Variants in LARGE1 observed in about 807,000 individuals in gnomAD.
LARGE1 encodes LARGE xylosyl- and glucuronyltransferase 1.
LARGE1 carries 43 observed loss-of-function variants against 87.6 expected under a neutral mutation model. The ratio of observed to expected loss-of-function variants is 0.49; its 90% CI spans 0.38 to 0.63. LARGE1 has a LOEUF of 0.63. LARGE1 is among the 30% of genes least tolerant of loss of function. LARGE1 has a pLI of 0.00. For synonymous variants in LARGE1, 434 were observed against 394.6 expected (o/e 1.10, Z -1.18); for missense variants, 802 against 1,000.2 (o/e 0.80, Z 2.67).
chr22:33,264,278 A>G (rs1324090296), intron 11 of LARGE1, among the ~76,000 whole-genome samples: 2 of 152,228 alleles, frequency 1.3e-5, no homozygotes, highest in South Asian at 2.1e-4. Flanking sequence ...CTGGGAGTCC[A>G]TAGGATAAAA....
intron 1 of LARGE1, among the ~76,000 whole-genome samples, chr22:33,912,683 C>G (rs2065670237): frequency 6.6e-6 from 1 of 152,072 alleles, no homozygotes; most frequent in Non-Finnish European, 1.5e-5. Context: ...CCCAAAATTA[C>G]CTCTGAAGCC....
chr22:33,767,151 T>TA (rs2084933333), intron 1 of LARGE1, among the ~76,000 whole-genome samples: 2 of 150,620 alleles, frequency 1.3e-5, no homozygotes, highest in South Asian at 4.2e-4. Context: ...CTGTCTCTAC[T>TA]AAAAAATATA....
intron 4 of LARGE1, among the ~76,000 whole-genome samples, chr22:33,625,067 G>A (rs2079879576): frequency 6.6e-6 from 1 of 152,198 alleles, no homozygotes; most frequent in African/African-American, 2.4e-5. Flanking sequence ...TTCAGGTGCA[G>A]CATTTTACAC....
intron 1 of LARGE1, among the ~76,000 whole-genome samples, chr22:33,794,175 G>T (rs560207646): frequency 1.3e-5 from 2 of 152,158 alleles, no homozygotes; most frequent in Non-Finnish European, 2.9e-5. Context: ...TGGGCCCCAT[G>T]TGTCTGTGCA....
chr22:33,669,177 A>G (rs527425484), intron 2 of LARGE1, among the ~76,000 whole-genome samples: 3 of 152,386 alleles, frequency 2.0e-5, no homozygotes, highest in African/African-American at 7.2e-5. Context: ...TATATCCCTC[A>G]GCTTCAATTA....
At chr22:33,144,541 C>G in the LARGE1 span, among the ~76,000 whole-genome samples, 2 of 151,974 alleles carry the variant, frequency 1.3e-5, no homozygotes, top group East Asian at 1.9e-4. Context: ...TCAGTGCTGT[C>G]AAGAATCTAA....
At chr22:33,596,498 TG>T in intron 5 of LARGE1, among the ~76,000 whole-genome samples, 1 of 151,986 alleles carries the variant, frequency 6.6e-6, no homozygotes, top group African/African-American at 2.4e-5. Flanking sequence ...ATAAAGAAAA[TG>T]GGAAAGTGGT....
Position 33,360,214 on chromosome 22 carries a change from C to G in LARGE1, c.1131+21705G>C, listed in dbSNP as rs1481048797. On this transcript the variant is annotated intron_variant, in intron 9 of 14. Transcript: ENST00000397394. ...TGTAGTCCCAGCTACTTGGGAGGTTCAGGCAGGAGAACTGCTTGAACCTGG... is the reference window on the plus strand; with the variant it reads ...TGTAGTCCCAGCTACTTGGGAGGTTGAGGCAGGAGAACTGCTTGAACCTGG... Among the ~76,000 whole-genome samples, 2 of 149,026 alleles carry G rather than the reference C, an allele frequency of 1.3e-5. 1 individual carries two copies. The highest frequency in any genetic ancestry group is 4.9e-5 in the African/African-American group (2 of 40,416).
chr22:33,125,662 A>T, the LARGE1 span, among the ~76,000 whole-genome samples: 1 of 152,094 alleles, frequency 6.6e-6, no homozygotes, highest in Non-Finnish European at 1.5e-5. Flanking sequence ...GGCCAAGATG[A>T]TCTCGATCTC....
intron 1 of LARGE1, among the ~76,000 whole-genome samples, chr22:33,888,172 CCAGT>C (rs1376723430): frequency 1.3e-5 from 2 of 151,988 alleles, no homozygotes; most frequent in Non-Finnish European, 2.9e-5. Context: ...TCACCTAGGA[CCAGT>C]ATTTGGTTAT....
At chr22:33,670,972 C>T (rs930936809) in intron 2 of LARGE1, among the ~76,000 whole-genome samples, 2 of 151,930 alleles carry the variant, frequency 1.3e-5, no homozygotes, top group African/African-American at 4.8e-5. Flanking sequence ...CCAAAGGCAC[C>T]AAAAAATGAG....
intron 11 of LARGE1, among the ~76,000 whole-genome samples, chr22:33,308,536 C>T (rs765406659): frequency 1.2e-4 from 18 of 152,188 alleles, no homozygotes; most frequent in Non-Finnish European, 2.2e-4. Flanking sequence ...TCCATACCCT[C>T]TGGAAATAAT....
chr22:33,099,155 G>C, the LARGE1 span, among the ~76,000 whole-genome samples: 2 of 152,182 alleles, frequency 1.3e-5, no homozygotes, highest in East Asian at 3.9e-4. Flanking sequence ...AGAGGAAAAA[G>C]GTTTTTTATC....
Position 33,775,896 on chromosome 22 carries a change from A to G in LARGE1, c.-82-14338T>C, listed in dbSNP as rs567736419. 5.3e-5 allele frequency among the ~76,000 whole-genome samples: 8 copies of G among 151,464 alleles called. No individual in the cohort carries two copies. The East Asian group carries it at 1.4e-3, about 26-fold the overall frequency. On this transcript the variant is annotated intron_variant, in intron 1 of 14. Coordinates refer to ENST00000397394, the MANE Select transcript of LARGE1 (RefSeq NM_133642.5). Reference sequence around the variant, plus strand: ...CTCAGGAGGGTGGGATGCTACCAGCATCGGGTGGGTCAAGGTCAGGAATGC... The same window carrying G: ...CTCAGGAGGGTGGGATGCTACCAGCGTCGGGTGGGTCAAGGTCAGGAATGC...
chr22:33,542,088 GGAGGTAGAGGTTGCATT>G (rs1022531365), intron 6 of LARGE1, among the ~76,000 whole-genome samples: 18 of 150,024 alleles, frequency 1.2e-4, no homozygotes, highest in African/African-American at 3.9e-4. Flanking sequence ...CTTGAACCAA[GGAGGTAGAGGTTGCATT>G]GAGCCGAGAT....
chr22:33,503,258 TG>T (rs1158107126), intron 6 of LARGE1, among the ~76,000 whole-genome samples: 586 of 145,864 alleles, frequency 4.0e-3, no homozygotes, highest in African/African-American at 0.011. Flanking sequence ...TTTTTTTTTT[TG>T]TTTTTTTTTT....
chr22:33,458,354 T>C (rs1426965771), intron 6 of LARGE1, among the ~76,000 whole-genome samples: 2 of 152,136 alleles, frequency 1.3e-5, no homozygotes, highest in African/African-American at 2.4e-5. Context: ...TCCGCCCGCC[T>C]TGGCCTCCCA....
chr22:33,526,521 G>T (rs1259230461), intron 6 of LARGE1, among the ~76,000 whole-genome samples: 1 of 152,238 alleles, frequency 6.6e-6, no homozygotes, highest in Non-Finnish European at 1.5e-5. Context: ...CTAGGTGCCT[G>T]GACTAAGGGT....
intron 2 of LARGE1, among the ~76,000 whole-genome samples, chr22:33,697,889 G>A (rs1318347690): frequency 6.6e-6 from 1 of 152,156 alleles, no homozygotes; most frequent in Non-Finnish European, 1.5e-5. Flanking sequence ...GAGACACTGT[G>A]GGTGTTTCTT....
Sources: gnomAD v4.1 joint callset for allele counts (sites outside exome capture counted in the v4.1 genomes callset) on GRCh38, gnomAD v4.1.1 for gene constraint, MANE v1.5 for transcripts, NCBI Gene and HGNC (gene_info 2026-07-23, HGNC 2026-07-21) for gene names.